ZNF334: variants seen among roughly 807,000 people sequenced by gnomAD.
The protein encoded by ZNF334 is zinc finger protein 334.
ZNF334 carries 14 observed loss-of-function variants against 12.4 expected under a neutral mutation model. That is an observed-to-expected ratio of 1.13 (90% confidence interval 0.74 to 1.76). The LOEUF (loss-of-function observed/expected upper bound fraction) is 1.76. ZNF334 is among the 40% of genes most tolerant of loss of function. The pLI is 0.00. For synonymous variants in ZNF334, 273 were observed against 269.6 expected (o/e 1.01, Z -0.12); for missense variants, 797 against 804.5 (o/e 0.99, Z 0.11).
the ZNF334 span, among the ~76,000 whole-genome samples, chr20:46,476,505 C>A: frequency 0.41 from 62,900 of 152,080 alleles, 16,092 homozygotes; most frequent in African/African-American, 0.73. Context: ...TACCATTAGG[C>A]AAAACTGGGT....
chr20:46,487,015 T>C, the ZNF334 span, among the ~76,000 whole-genome samples: 1 of 152,150 alleles, frequency 6.6e-6, no homozygotes, highest in Non-Finnish European at 1.5e-5. Context: ...TCATGTTATA[T>C]ATAAGGTATT....
downstream of ZNF334, among the ~76,000 whole-genome samples, chr20:46,497,877 C>T (rs2145921890): frequency 6.6e-6 from 1 of 152,334 alleles, no homozygotes; most frequent in East Asian, 1.9e-4. Context: ...ATGACCATTG[C>T]CTATTTTCTT....
At chr20:46,509,508 G>T in intron 2 of ZNF334, 1 of 696,370 alleles carries the variant, frequency 1.4e-6, no homozygotes, top group Non-Finnish European at 2.6e-6. Context: ...TCAGCACGTG[G>T]GTCAGCACAT....
At chr20:46,466,515 G>C in the ZNF334 span, among the ~76,000 whole-genome samples, 1,958 of 152,074 alleles carry the variant, frequency 0.013, 39 homozygotes, top group African/African-American at 0.045. Context: ...ACAGAGTCTC[G>C]CTCCGTTGCC....
chr20:46,502,258 T>C lies in ZNF334; in HGVS notation c.1081A>G (p.Lys361Glu). 6.2e-7 allele frequency: 1 copy of C among 1,614,152 alleles called. No individual in the cohort carries two copies. Among genetic ancestry groups the C allele is most frequent in the Non-Finnish European group, 8.5e-7 (1 of 1,180,012 alleles). Residue 361 changes from lysine to glutamate, a missense_variant, in exon 5 of 5, where the codon AAA becomes GAA. Lys to Glu is a moderately conservative substitution (Grantham distance 56). Coordinates refer to ENST00000692313, the MANE Select transcript of ZNF334 (RefSeq NM_001353824.2). ...CTTTGATGTACAACAAGATACGATT[T>C]CTTGCTGAAGGCATTTCCACATTCC... is the stretch of plus-strand genomic sequence containing the variant. ...CKECGNAFSK[K>E]SYLVVHQRTH... is the part of the protein sequence containing the mutation.
chr20:46,487,784 G>A, the ZNF334 span, among the ~76,000 whole-genome samples: 590 of 152,270 alleles, frequency 3.9e-3, 6 homozygotes, highest in African/African-American at 0.013. Flanking sequence ...CTAACCAATT[G>A]TGTCTCTAAA....
intron 1 of ZNF334, 35 bp from the exon 2 acceptor site, chr20:46,512,175 C>CCAAATCGCTCAT: frequency 6.5e-7 from 1 of 1,547,492 alleles, no homozygotes; most frequent in Non-Finnish European, 8.9e-7. Context: ...GAATCATGAG[C>CCAAATCGCTCAT]GATTTGGCTC....
chr20:46,512,103 G>A lies in ZNF334; in HGVS notation c.-1C>T. The A allele has an allele frequency of 6.2e-7, 1 of 1,613,726 alleles. No individual in the cohort carries two copies. Among genetic ancestry groups the A allele is most frequent in the African/African-American group, 1.3e-5 (1 of 75,002 alleles). On this transcript the variant is annotated 5_prime_UTR_variant, in exon 2 of 5. Transcript: ENST00000692313. ...TTACCTGAAATTTTTTCATTTTCAT[G>A]TTCTCTTGAGAAAGGGCCAAGAGTG... is the stretch of plus-strand genomic sequence containing the variant.
At chr20:46,512,028 A>G in intron 2 of ZNF334, 54 bp downstream of exon 2, 1 of 1,586,608 alleles carries the variant, frequency 6.3e-7, no homozygotes, top group Admixed American at 1.7e-5. Context: ...AAACTACTCT[A>G]AACCTCTTGA....
the ZNF334 span, chr20:46,492,703 A>G: frequency 2.0e-5 from 3 of 152,266 alleles, no homozygotes; most frequent in South Asian, 2.1e-4. Context: ...CTCGAGATCA[A>G]TGTAGAAAGA....
At position 46,506,029 on chromosome 20, in the gene ZNF334, GC is replaced by G. The variant is rs1163431493; in HGVS notation, c.22-1290del. 1.2e-4 allele frequency: 28 copies of G among 238,506 alleles called. 1 individual carries two copies. In the East Asian group the frequency reaches 2.1e-3, roughly 18 times the overall value. 14.8% of individuals were successfully genotyped at this position (238,506 alleles called of 1,614,324 possible). ...ATTTCACATGATCAGCTGGGCTGAC[GC>G]TAGTAGTATATGTGGAGATTAGGAA... On this transcript the variant is annotated intron_variant, in intron 2 of 4. Transcript: ENST00000692313.
intron 2 of ZNF334, chr20:46,509,653 G>C: frequency 2.8e-6 from 2 of 703,020 alleles, no homozygotes; most frequent in South Asian, 1.5e-5. Context: ...CCCACGGTGA[G>C]TTAACTTGCG....
chr20:46,476,547 C>T, the ZNF334 span, among the ~76,000 whole-genome samples: 1 of 152,120 alleles, frequency 6.6e-6, no homozygotes, highest in South Asian at 2.1e-4. Context: ...TTTTTTCTTG[C>T]AACTGCATGT....
chr20:46,508,400 A>G (rs2061514692), intron 2 of ZNF334, among the ~76,000 whole-genome samples: 1 of 152,262 alleles, frequency 6.6e-6, no homozygotes, highest in Non-Finnish European at 1.5e-5. Context: ...CTCTGTAAAC[A>G]CATAGTCTGT....
At chr20:46,479,018 T>C in the ZNF334 span, among the ~76,000 whole-genome samples, 1 of 152,246 alleles carries the variant, frequency 6.6e-6, no homozygotes, top group African/African-American at 2.4e-5. Context: ...TCTGGCCCTC[T>C]GTATCAGTTA....
At chr20:46,465,253 G>C in the ZNF334 span, 1 of 176,772 alleles carries the variant, frequency 5.7e-6, no homozygotes. Flanking sequence ...TGTTGTTCTG[G>C]GAGCTGCAGC....
In ZNF334 at chr20:46,512,784, A is replaced by G. The variant is rs180976713; in HGVS notation, c.-283T>C. 53 of 152,388 alleles carry G rather than the reference A, an allele frequency of 3.5e-4. No homozygotes were observed. The highest frequency in any genetic ancestry group is 1.3e-3 in the African/African-American group (52 of 41,590). The allele number at this position is 152,388 out of a possible 1,614,324, so 9.4% of individuals were successfully genotyped here. ...GGATCTGTCACTAGCAAACTGCATT[A>G]CTGAAAAAAATATTTACTAAGTCGT... On this transcript the variant is annotated 5_prime_UTR_variant, in exon 1 of 5. Transcript: ENST00000692313.
intron 3 of ZNF334, 54 bp downstream of exon 3, chr20:46,504,560 G>A (rs1312228756): frequency 1.3e-6 from 2 of 1,533,004 alleles, no homozygotes; most frequent in African/African-American, 1.4e-5. Context: ...ACATGTTTTT[G>A]TAACACAGAA....
the ZNF334 span, chr20:46,463,805 A>G: frequency 1.8e-5 from 6 of 328,758 alleles, no homozygotes; most frequent in Non-Finnish European, 3.1e-5. Context: ...AGGCCTGCCT[A>G]GGAGAGAAAC....
Sources: allele counts gnomAD v4.1 joint callset (sites outside exome capture counted in the v4.1 genomes callset), GRCh38; gene constraint gnomAD v4.1.1; transcripts MANE v1.5; gene names NCBI Gene and HGNC (gene_info 2026-07-23, HGNC 2026-07-21).